Variants in EPHA3 observed in about 807,000 individuals in gnomAD.
EPHA3 encodes EPH receptor A3.
Under a neutral mutation model 107.1 loss-of-function variants are expected in EPHA3, and 42 were observed. That is an observed-to-expected ratio of 0.39 (90% CI 0.31 to 0.51). EPHA3 has a LOEUF of 0.51. Among genes scored for constraint, EPHA3 ranks in the 20% least tolerant of loss-of-function variants. EPHA3 has a pLI of 0.78. For missense variants in EPHA3, 1,183 were observed against 1,211.2 expected (o/e 0.98, Z 0.35); for synonymous variants, 461 against 424.8 (o/e 1.09, Z -1.05).
At position 89,298,136 on chromosome 3, in the gene EPHA3, T is replaced by A. The variant is rs140430449; in HGVS notation, c.815-42780T>A. ...TGGGAACAAGCATTTTTCCATGTCA[T>A]GTGCGAGCACCAAATCCCATGCCTC... On this transcript the variant is annotated intron_variant, in intron 3 of 16. Coordinates refer to ENST00000336596, the MANE Select transcript of EPHA3 (RefSeq NM_005233.6). Among the ~76,000 whole-genome samples, 5 of 152,324 alleles carry A rather than the reference T, an allele frequency of 3.3e-5. No homozygotes were observed. In the East Asian group the frequency reaches 7.7e-4, roughly 24 times the overall value.
intron 3 of EPHA3, among the ~76,000 whole-genome samples, chr3:89,327,134 T>C (rs1040562061): frequency 2.6e-5 from 4 of 152,080 alleles, no homozygotes; most frequent in African/African-American, 9.7e-5. Flanking sequence ...AGTAACATAA[T>C]AGGAGTGGAG....
intron 3 of EPHA3, among the ~76,000 whole-genome samples, chr3:89,237,533 C>T (rs185829321): frequency 1.6e-4 from 24 of 152,130 alleles, no homozygotes; most frequent in African/African-American, 4.8e-4. Context: ...TCATTTTTTC[C>T]TAAGAGTTTC....
chr3:89,269,878 G>A (rs1705625985), intron 3 of EPHA3, among the ~76,000 whole-genome samples: 1 of 150,808 alleles, frequency 6.6e-6, no homozygotes, highest in African/African-American at 2.4e-5. Flanking sequence ...GCATGCCCTT[G>A]TCTGAGAACT....
In EPHA3 at chr3:89,459,871, A is replaced by T. The variant is rs552370233; in HGVS notation, c.2690+9501A>T. 2.3e-4 allele frequency among the ~76,000 whole-genome samples: 35 copies of T among 152,340 alleles called. 1 individual carries two copies. Among genetic ancestry groups the T allele is most frequent in the African/African-American group, 7.0e-4 (29 of 41,584 alleles). Reference sequence around the variant, plus strand: ...GTTCTTGATAGAAAATGCCACCATGAAAATAAATAGAAAATAGTCTTAAAA... The same window carrying T: ...GTTCTTGATAGAAAATGCCACCATGTAAATAAATAGAAAATAGTCTTAAAA... On this transcript the variant is annotated intron_variant, in intron 15 of 16. Transcript: ENST00000336596.
Position 89,275,442 on chromosome 3 carries a change from C to T in EPHA3, c.814+64922C>T, listed in dbSNP as rs75746143. Among the ~76,000 whole-genome samples the T allele has an allele frequency of 8.8e-3, 1,340 of 152,060 alleles. 31 individuals carry two copies. Among genetic ancestry groups the T allele is most frequent in the African/African-American group, 0.031 (1,274 of 41,502 alleles). ...GTGTGTAGCTGGGAAAATGTGGATT[C>T]GTAGTCATACTAATAAAGTTCTTAA... On this transcript the variant is annotated intron_variant, in intron 3 of 16. Coordinates refer to ENST00000336596, the MANE Select transcript of EPHA3 (RefSeq NM_005233.6).
At chr3:89,439,752 CACAT>C (rs1326988173) in intron 13 of EPHA3, among the ~76,000 whole-genome samples, 70 of 149,934 alleles carry the variant, frequency 4.7e-4, no homozygotes, top group African/African-American at 9.1e-4. Context: ...CACACACACA[CACAT>C]ATATATATGT....
intron 5 of EPHA3, among the ~76,000 whole-genome samples, chr3:89,392,550 C>T (rs928765885): frequency 3.3e-4 from 50 of 151,866 alleles, no homozygotes; most frequent in Non-Finnish European, 4.0e-4. Flanking sequence ...TTAATTTTGC[C>T]TGTAGCTCTC....
chr3:89,231,896 T>C (rs1386382769), intron 3 of EPHA3, among the ~76,000 whole-genome samples: 2 of 152,114 alleles, frequency 1.3e-5, no homozygotes, highest in East Asian at 3.9e-4. Flanking sequence ...CATGTAGAAA[T>C]GGGATTAGAA....
chr3:89,396,094 C>T (rs1233346903), intron 6 of EPHA3, 133 bp downstream of exon 6: 2 of 1,204,988 alleles, frequency 1.7e-6, no homozygotes, highest in Non-Finnish European at 2.3e-6. Flanking sequence ...GCCCTGTGAC[C>T]CCTTTGATTT....
intron 3 of EPHA3, among the ~76,000 whole-genome samples, chr3:89,247,362 TAAA>T (rs1198244504): frequency 6.6e-6 from 1 of 152,186 alleles, no homozygotes; most frequent in Non-Finnish European, 1.5e-5. Context: ...AAATGAATCT[TAAA>T]TAATATCATG....
rs1316787511 is a variant in EPHA3, at chr3:89,466,836, G to A, written c.2691-5628G>A. Reference sequence around the variant, plus strand: ...CTGTAGACCGGAGCTGTTCCTATTCGGCCATCTTGGCTCCTCCCTCCTGTC... The same window carrying A: ...CTGTAGACCGGAGCTGTTCCTATTCAGCCATCTTGGCTCCTCCCTCCTGTC... On this transcript the variant is annotated intron_variant, in intron 15 of 16. Transcript: ENST00000336596. Among the ~76,000 whole-genome samples, 12 of 95,126 alleles carry A rather than the reference G, an allele frequency of 1.3e-4. 2 individuals are homozygous for A. Among genetic ancestry groups the A allele is most frequent in the African/African-American group, 4.1e-4 (11 of 26,608 alleles). The allele number at this position is 95,126 out of a possible 152,430, so 62.4% of individuals were successfully genotyped here.
chr3:89,188,343 A>G (rs1238520890), intron 2 of EPHA3, among the ~76,000 whole-genome samples: 1 of 152,124 alleles, frequency 6.6e-6, no homozygotes, highest in East Asian at 1.9e-4. Context: ...TTGCAGAAGT[A>G]TTTGGGAGTG....
intron 3 of EPHA3, among the ~76,000 whole-genome samples, chr3:89,228,915 G>A (rs1022437630): frequency 2.0e-5 from 3 of 151,862 alleles, no homozygotes; most frequent in African/African-American, 7.2e-5. Flanking sequence ...GTGGTTTAAT[G>A]GAAATTAATG....
intron 5 of EPHA3, among the ~76,000 whole-genome samples, chr3:89,355,411 T>G (rs1707923783): frequency 6.6e-6 from 1 of 151,408 alleles, no homozygotes. Context: ...CCACTGTTTA[T>G]AAGTGAAGCA....
At chr3:89,233,800 T>C (rs777592337) in intron 3 of EPHA3, among the ~76,000 whole-genome samples, 2 of 152,180 alleles carry the variant, frequency 1.3e-5, no homozygotes, top group Non-Finnish European at 2.9e-5. Context: ...ATGGAAAAGC[T>C]CTGTGGTATG....
intron 1 of EPHA3, among the ~76,000 whole-genome samples, chr3:89,115,178 C>A (rs1707222876): frequency 6.6e-6 from 1 of 152,082 alleles, no homozygotes; most frequent in Non-Finnish European, 1.5e-5. Context: ...TAACCCTATC[C>A]CTTTACTATT....
Position 89,175,069 on chromosome 3 carries a change from ATT to A in EPHA3, c.154-34776_154-34775del, listed in dbSNP as rs11425521. 4.6e-3 allele frequency among the ~76,000 whole-genome samples: 636 copies of A among 138,578 alleles called. 6 individuals are homozygous for A. Among genetic ancestry groups the A allele is most frequent in the African/African-American group, 0.015 (595 of 38,488 alleles). 90.9% of individuals were successfully genotyped at this position (138,578 alleles called of 152,430 possible). A position where few individuals can be genotyped will look rare whatever the true frequency, so the allele number is the denominator to read the frequency against. On this transcript the variant is annotated intron_variant, in intron 2 of 16. Coordinates refer to ENST00000336596, the MANE Select transcript of EPHA3 (RefSeq NM_005233.6). ...TTTGGTAAAGAAAAAAAGTGATAGC[ATT>A]TTTTTTTTTTTTTTGTAATCTGGCC... is the stretch of plus-strand genomic sequence containing the variant.
At chr3:89,206,487 A>G (rs1706108266) in intron 2 of EPHA3, among the ~76,000 whole-genome samples, 1 of 152,176 alleles carries the variant, frequency 6.6e-6, no homozygotes, top group South Asian at 2.1e-4. Flanking sequence ...TATTGTCATG[A>G]TCGAACTTTC....
intron 3 of EPHA3, among the ~76,000 whole-genome samples, chr3:89,308,428 T>C (rs1706679199): frequency 6.6e-6 from 1 of 152,098 alleles, no homozygotes; most frequent in Non-Finnish European, 1.5e-5. Flanking sequence ...AAGCTGGCTA[T>C]AATAGTGTGT....
Sources: allele counts gnomAD v4.1 joint callset (sites outside exome capture counted in the v4.1 genomes callset), GRCh38; gene constraint gnomAD v4.1.1; transcripts MANE v1.5; gene names NCBI Gene and HGNC (gene_info 2026-07-23, HGNC 2026-07-21).